The following GPC6 variants were observed in gnomAD, a reference collection of about 807,000 sequenced individuals.
GPC6 encodes glypican-6.
A neutral mutation model predicts 55.2 loss-of-function variants in GPC6; 14 were observed. The ratio of observed to expected loss-of-function variants is 0.25; its 90% CI spans 0.17 to 0.40. GPC6 has a LOEUF of 0.40. Ranked by LOEUF, GPC6 falls within the 10% of genes least tolerant of loss-of-function variation. The probability of loss-of-function intolerance (pLI) is 1.00; values close to 1 mark genes in which losing one functional copy is unlikely to be tolerated. For synonymous variants in GPC6, 278 were observed against 259.6 expected, an observed-to-expected ratio of 1.07 and a Z score of -0.68; for missense variants, 641 against 708.5, an observed-to-expected ratio of 0.90 and a Z score of 1.08.
At chr13:93,389,319 A>G (rs1051289976) in intron 1 of GPC6, among the ~76,000 whole-genome samples, 3 of 151,300 alleles carry the variant, frequency 2.0e-5, no homozygotes, top group African/African-American at 7.3e-5. Context: ...AACATAGTGA[A>G]ACCCCGTCTC....
chr13:93,261,291 A>G (rs1877138556), intron 1 of GPC6, among the ~76,000 whole-genome samples: 2 of 152,128 alleles, frequency 1.3e-5, no homozygotes, highest in South Asian at 4.1e-4. Context: ...GGATTTTTAA[A>G]TCAGTTATTC....
At chr13:93,538,284 A>G (rs1436457441) in intron 1 of GPC6, among the ~76,000 whole-genome samples, 1 of 152,170 alleles carries the variant, frequency 6.6e-6, no homozygotes. Context: ...GTAGAAGTTT[A>G]GAGTCATGGA....
At chr13:94,142,379 C>T (rs1887408976) in intron 4 of GPC6, among the ~76,000 whole-genome samples, 1 of 152,188 alleles carries the variant, frequency 6.6e-6, no homozygotes, top group South Asian at 2.1e-4. Flanking sequence ...TCACCATACA[C>T]ATACACACAT....
At chr13:93,391,889 C>G (rs1353278658) in intron 1 of GPC6, among the ~76,000 whole-genome samples, 1 of 152,022 alleles carries the variant, frequency 6.6e-6, no homozygotes, top group Non-Finnish European at 1.5e-5. Flanking sequence ...AGTGTTTTGA[C>G]AGTTAAAAAG....
intron 3 of GPC6, among the ~76,000 whole-genome samples, chr13:93,990,489 A>C (rs1881248639): frequency 6.6e-6 from 1 of 152,086 alleles, no homozygotes; most frequent in Non-Finnish European, 1.5e-5. Flanking sequence ...ATTTTGTGTA[A>C]TGTCACAGGA....
chr13:94,347,511 T>G (rs1003705329), intron 6 of GPC6, among the ~76,000 whole-genome samples: 1 of 152,232 alleles, frequency 6.6e-6, no homozygotes, highest in Non-Finnish European at 1.5e-5. Context: ...ACTAATAATT[T>G]CATACTAAAA....
chr13:93,309,061 A>G (rs2139105471), intron 1 of GPC6, among the ~76,000 whole-genome samples: 1 of 152,280 alleles, frequency 6.6e-6, no homozygotes, highest in East Asian at 1.9e-4. Flanking sequence ...CTGAACTGGA[A>G]CAATGAACTG....
At chr13:93,745,543 C>A (rs1367777809) in intron 2 of GPC6, among the ~76,000 whole-genome samples, 1 of 152,148 alleles carries the variant, frequency 6.6e-6, no homozygotes, top group Non-Finnish European at 1.5e-5. Flanking sequence ...TCCAAACTTA[C>A]AATGGTTTGA....
upstream of GPC6, among the ~76,000 whole-genome samples, chr13:93,223,018 A>ATTTTT (rs1875661668): frequency 1.2e-4 from 6 of 48,234 alleles, no homozygotes; most frequent in African/African-American, 2.2e-4. Context: ...CAGGGAAAAC[A>ATTTTT]CTTTTTTTTT....
intron 4 of GPC6, among the ~76,000 whole-genome samples, chr13:94,222,584 T>C (rs1890417885): frequency 6.6e-6 from 1 of 152,114 alleles, no homozygotes; most frequent in Non-Finnish European, 1.5e-5. Context: ...GGCAGCTCCC[T>C]GGTTAGATTC....
intron 3 of GPC6, chr13:93,830,965 G>C (rs573441522): frequency 5.9e-6 from 1 of 168,394 alleles, no homozygotes; most frequent in South Asian, 1.4e-4. Flanking sequence ...CCTGCGAATG[G>C]AGACAAGTTA....
chr13:93,274,313 G>A (rs921795763), intron 1 of GPC6, among the ~76,000 whole-genome samples: 2 of 152,152 alleles, frequency 1.3e-5, no homozygotes, highest in African/African-American at 4.8e-5. Flanking sequence ...AATGAGTAAT[G>A]TGTCATTGGG....
intron 1 of GPC6, among the ~76,000 whole-genome samples, chr13:93,476,374 G>T (rs1341026218): frequency 6.6e-6 from 1 of 151,958 alleles, no homozygotes; most frequent in African/African-American, 2.4e-5. Context: ...CTCCCCTCTT[G>T]ACTTCTCTCC....
chr13:93,786,244 G>A (rs1343199290), intron 2 of GPC6, among the ~76,000 whole-genome samples: 6 of 152,062 alleles, frequency 3.9e-5, no homozygotes, highest in Non-Finnish European at 8.8e-5. Flanking sequence ...GTAATGAAGC[G>A]AAAACACTGT....
At chr13:93,436,416 A>G (rs1202480692) in intron 1 of GPC6, among the ~76,000 whole-genome samples, 2 of 152,212 alleles carry the variant, frequency 1.3e-5, no homozygotes, top group Non-Finnish European at 2.9e-5. Flanking sequence ...ATATGATAGC[A>G]TGATAGAATT....
At chr13:93,570,437 T>C (rs935866131) in intron 2 of GPC6, among the ~76,000 whole-genome samples, 2 of 152,180 alleles carry the variant, frequency 1.3e-5, no homozygotes, top group Admixed American at 1.3e-4. Context: ...CAGATGTTTA[T>C]GTATTATGCA....
chr13:93,409,595 C>A (rs1876421804), intron 1 of GPC6, among the ~76,000 whole-genome samples: 1 of 152,168 alleles, frequency 6.6e-6, no homozygotes, highest in Non-Finnish European at 1.5e-5. Context: ...GCACTTGACA[C>A]CAATTGCCTT....
chr13:93,481,330 A>C (rs1879514799), intron 1 of GPC6, among the ~76,000 whole-genome samples: 1 of 152,012 alleles, frequency 6.6e-6, no homozygotes, highest in Non-Finnish European at 1.5e-5. Flanking sequence ...TATATTTGGA[A>C]TATGGGCCCT....
chr13:94,318,373 T>C (rs948858500), intron 6 of GPC6, among the ~76,000 whole-genome samples: 1 of 152,224 alleles, frequency 6.6e-6, no homozygotes, highest in African/African-American at 2.4e-5. Context: ...GTTTTTTTCC[T>C]ATACATACAT....
Sources: allele counts gnomAD v4.1 joint callset (sites outside exome capture counted in the v4.1 genomes callset), GRCh38; gene constraint gnomAD v4.1.1; transcripts MANE v1.5; gene names NCBI Gene and HGNC (gene_info 2026-07-23, HGNC 2026-07-21).